CATSPERE: variants seen among roughly 807,000 people sequenced by gnomAD.
CATSPERE encodes catsper channel auxiliary subunit epsilon.
In CATSPERE, 93 loss-of-function variants were observed where a neutral mutation model predicts 114.1. That is an observed-to-expected ratio of 0.81 (90% CI 0.69 to 0.97). CATSPERE has a LOEUF of 0.97. Among genes scored for constraint, CATSPERE ranks in the 50% least tolerant of loss-of-function variants. The pLI is 0.00. For missense variants in CATSPERE, 1,058 were observed against 1,131.6 expected (o/e 0.93, Z 0.93); for synonymous variants, 341 against 384.1 (o/e 0.89, Z 1.31).
At chr1:244,636,704 T>G (rs1453429456) in intron 21 of CATSPERE, 1 of 152,514 alleles carries the variant, frequency 6.6e-6, no homozygotes, top group Non-Finnish European at 1.5e-5. Flanking sequence ...GCAGCTAGAG[T>G]CCAGCAGCCA....
intron 7 of CATSPERE, among the ~76,000 whole-genome samples, chr1:244,517,943 A>G (rs565914859): frequency 2.0e-5 from 3 of 150,732 alleles, no homozygotes; most frequent in Non-Finnish European, 4.4e-5. Flanking sequence ...AGTGGATGCC[A>G]TGTTTTTAGA....
At chr1:244,521,160 T>G (rs1004798254) in intron 8 of CATSPERE, among the ~76,000 whole-genome samples, 3 of 151,934 alleles carry the variant, frequency 2.0e-5, no homozygotes, top group African/African-American at 7.3e-5. Flanking sequence ...TTCAGACCAG[T>G]CTGGGAAACA....
Position 244,530,753 on chromosome 1 carries a change from A to G in CATSPERE, c.536+12055A>G, listed in dbSNP as rs529370740. ...TCAATTCTTTGGTTAATTCCTATGT[A>G]TTGAGTTTTATTTGTACCTATTGTA... On this transcript the variant is annotated intron_variant, in intron 8 of 21. Coordinates refer to ENST00000366534, the MANE Select transcript of CATSPERE (RefSeq NM_001130957.2). Among the ~76,000 whole-genome samples, 7 of 152,058 alleles carry G rather than the reference A, an allele frequency of 4.6e-5. 1 individual carries two copies. The South Asian group carries it at 1.5e-3, about 32-fold the overall frequency.
intron 7 of CATSPERE, among the ~76,000 whole-genome samples, chr1:244,512,485 TCTCA>T (rs1371469386): frequency 6.6e-6 from 1 of 152,170 alleles, no homozygotes; most frequent in Non-Finnish European, 1.5e-5. Flanking sequence ...TTCTCTTGTA[TCTCA>T]CTAAGTTTCT....
rs149936067 is a variant in CATSPERE at position 244,518,916 on chromosome 1, A to G, written c.536+218A>G. On this transcript the variant is annotated intron_variant, in intron 8 of 21. Coordinates refer to ENST00000366534, the MANE Select transcript of CATSPERE (RefSeq NM_001130957.2). Reference sequence around the variant, plus strand: ...AATTTGTGTCCATACATAATCCTCAATCCAAGAGCCTCATTCAGGTTGGTG... The same window carrying G: ...AATTTGTGTCCATACATAATCCTCAGTCCAAGAGCCTCATTCAGGTTGGTG... 2.1e-3 allele frequency among the ~76,000 whole-genome samples: 327 copies of G among 152,230 alleles called. 1 individual carries two copies. The highest frequency in any genetic ancestry group is 7.2e-3 in the African/African-American group (301 of 41,538).
chr1:244,490,462 CT>C lies in CATSPERE; in HGVS notation c.345del (p.Phe115LeufsTer29). 6.5e-7 allele frequency: 1 copy of C among 1,536,214 alleles called. No individual in the cohort carries two copies. Among genetic ancestry groups the C allele is most frequent in the Non-Finnish European group, 9.0e-7 (1 of 1,113,568 alleles). ...YYRVRHFFNN[F>X]TQLITVWAYD... ...TTCCAAGCAGACATTTCTTTAACAACTTTACCCAGGTAAAATATTTTTTAAA... is the reference window on the plus strand; with the variant it reads ...TTCCAAGCAGACATTTCTTTAACAACTTACCCAGGTAAAATATTTTTTAAA... On this transcript the variant is annotated frameshift_variant, in exon 6 of 22. Transcript: ENST00000366534. LOFTEE classifies it high-confidence loss of function.
At chr1:244,592,766 C>T (rs1039987989) in intron 15 of CATSPERE, among the ~76,000 whole-genome samples, 4 of 152,096 alleles carry the variant, frequency 2.6e-5, no homozygotes, top group Admixed American at 1.3e-4. Flanking sequence ...GGCAGCTGCA[C>T]CTGAAAGGCA....
intron 17 of CATSPERE, among the ~76,000 whole-genome samples, chr1:244,601,011 CA>C (rs1432340922): frequency 6.6e-6 from 1 of 151,528 alleles, no homozygotes. Flanking sequence ...AAAATGTGTT[CA>C]AAAATGAATA....
intron 8 of CATSPERE, among the ~76,000 whole-genome samples, chr1:244,542,367 G>A (rs1033967897): frequency 1.3e-4 from 19 of 151,996 alleles, no homozygotes; most frequent in Non-Finnish European, 2.4e-4. Context: ...ATGTGTGTAG[G>A]TTTGTTACAC....
Position 244,560,684 on chromosome 1 carries a change from G to C in CATSPERE, c.1046G>C (p.Ser349Thr). ...NYLLKAKGRR[S>T]TFAVWTENEI... ...TTGTCACAGGCTAAAGGAAGAAGAA[G>C]CACCTTTGCAGTCTGGACAGAAAAT... The change falls in exon 10 of 22, where the codon AGC becomes ACC. Residue 349 changes from serine to threonine, a missense_variant. Ser to Thr is a moderately conservative substitution (Grantham distance 58). Transcript: ENST00000366534. 3.8e-6 allele frequency: 6 copies of C among 1,590,652 alleles called. No homozygotes were observed. The highest frequency in any genetic ancestry group is 5.1e-6 in the Non-Finnish European group (6 of 1,169,736).
At position 244,582,386 on chromosome 1, in the gene CATSPERE, C is replaced by G. The variant is rs541436998; in HGVS notation, c.2009+532C>G. Among the ~76,000 whole-genome samples the G allele has an allele frequency of 5.6e-5, 8 of 143,318 alleles. 1 individual carries two copies. In the South Asian group the frequency reaches 1.8e-3, roughly 32 times the overall value. The allele number at this position is 143,318 out of a possible 152,430, so 94.0% of individuals were successfully genotyped here. On this transcript the variant is annotated intron_variant, in intron 12 of 21. Transcript: ENST00000366534. ...ATAGCATATTTTCCCTAGGAAAAAT[C>G]AATTTTTCTTTTTTCTTTTTCTTTT... is the stretch of plus-strand genomic sequence containing the variant.
intron 5 of CATSPERE, among the ~76,000 whole-genome samples, chr1:244,488,100 C>G (rs1458611852): frequency 1.3e-5 from 2 of 152,154 alleles, no homozygotes; most frequent in Non-Finnish European, 2.9e-5. Flanking sequence ...GGAAAAGGAT[C>G]CATGGAGTTG....
At chr1:244,514,189 A>G (rs182607201) in intron 7 of CATSPERE, among the ~76,000 whole-genome samples, 2 of 152,190 alleles carry the variant, frequency 1.3e-5, no homozygotes, top group Admixed American at 6.5e-5. Flanking sequence ...ATTTTTCCCT[A>G]TGTTTTCTTC....
intron 12 of CATSPERE, among the ~76,000 whole-genome samples, chr1:244,583,526 T>A (rs6429483): frequency 0.99 from 151,517 of 152,338 alleles, 75,359 homozygotes; most frequent in Middle Eastern, 1. Flanking sequence ...TCGAGATGTC[T>A]GCAGCAGAGC....
chr1:244,603,662 A>ATTT (rs5782299), intron 17 of CATSPERE, among the ~76,000 whole-genome samples: 1 of 147,278 alleles, frequency 6.8e-6, no homozygotes. Flanking sequence ...TTCAATTAAG[A>ATTT]TTTTTTTTTT....
chr1:244,460,891 C>A (rs866511789), upstream of CATSPERE, among the ~76,000 whole-genome samples: 4 of 152,262 alleles, frequency 2.6e-5, no homozygotes, highest in Non-Finnish European at 2.9e-5. Context: ...GCACTCCAGC[C>A]TGGGGGACAG....
At chr1:244,479,028 CAAAAAAAAAA>C (rs1161485991) in intron 4 of CATSPERE, among the ~76,000 whole-genome samples, 6 of 47,516 alleles carry the variant, frequency 1.3e-4, no homozygotes, top group African/African-American at 4.4e-4. Flanking sequence ...AACTTCGTCT[CAAAAAAAAAA>C]AAAAAAAAAA....
intron 10 of CATSPERE, among the ~76,000 whole-genome samples, chr1:244,567,630 T>C (rs1196865519): frequency 6.6e-6 from 1 of 151,858 alleles, no homozygotes; most frequent in Admixed American, 6.6e-5. Context: ...TTCTGCTTGA[T>C]CGATTTGGCT....
chr1:244,526,383 T>C (rs1171960834), intron 8 of CATSPERE, among the ~76,000 whole-genome samples: 1 of 150,388 alleles, frequency 6.6e-6, no homozygotes, highest in Non-Finnish European at 1.5e-5. Flanking sequence ...CACTTCAACC[T>C]GGGTGACAAT....
Sources: allele counts gnomAD v4.1 joint callset (sites outside exome capture counted in the v4.1 genomes callset), GRCh38; gene constraint gnomAD v4.1.1; transcripts MANE v1.5; gene names NCBI Gene and HGNC (gene_info 2026-07-23, HGNC 2026-07-21).